Variants in ARFIP1 observed in about 807,000 individuals in gnomAD.
ARFIP1 encodes arfaptin-1.
A neutral mutation model predicts 42.5 loss-of-function variants in ARFIP1; 24 were observed. The observed-to-expected ratio is 0.57, with a 90% CI of 0.41 to 0.80. The LOEUF (loss-of-function observed/expected upper bound fraction) is 0.80, where lower values mean the gene tolerates loss of function less well. Ranked by LOEUF, ARFIP1 falls within the 30% of genes least tolerant of loss-of-function variation. The pLI, the probability that ARFIP1 is intolerant of heterozygous loss-of-function variation, is 0.00. For synonymous variants in ARFIP1, 141 were observed against 153.7 expected (o/e 0.92, Z 0.61); for missense variants, 354 against 434.0 (o/e 0.82, Z 1.64).
chr4:152,832,150 G>A (rs116057261), intron 2 of ARFIP1, among the ~76,000 whole-genome samples: 3 of 152,048 alleles, frequency 2.0e-5, no homozygotes, highest in Non-Finnish European at 2.9e-5. Flanking sequence ...GAGTGAAATT[G>A]CCAGGTCACG....
chr4:152,843,982 T>G (rs1732330058), intron 2 of ARFIP1, among the ~76,000 whole-genome samples: 2 of 152,178 alleles, frequency 1.3e-5, no homozygotes, highest in Admixed American at 1.3e-4. Flanking sequence ...GGAGATTTCC[T>G]TCTCACTGTG....
intron 8 of ARFIP1, 42 bp from the exon 9 acceptor site, chr4:152,910,022 T>C (rs758848450): frequency 1.9e-6 from 3 of 1,590,084 alleles, no homozygotes; most frequent in Non-Finnish European, 2.6e-6. Flanking sequence ...TTTATTGTTA[T>C]TGGTGTTAAT....
Position 152,846,004 on chromosome 4 carries a change from G to C in ARFIP1, c.93+16278G>C, listed in dbSNP as rs551222804. On this transcript the variant is annotated intron_variant, in intron 2 of 8. Coordinates refer to ENST00000353617, the MANE Select transcript of ARFIP1 (RefSeq NM_001025595.3). ...TGGTAGATATACATCATTAAATACT[G>C]TGCAGCCATAAAAAAGAACAACATT... 3.3e-5 allele frequency among the ~76,000 whole-genome samples: 5 copies of C among 152,268 alleles called. No homozygotes were observed. The South Asian group carries it at 1.0e-3, about 32-fold the overall frequency.
chr4:152,879,063 A>T (rs181886647), intron 5 of ARFIP1, among the ~76,000 whole-genome samples: 5 of 152,148 alleles, frequency 3.3e-5, no homozygotes. Flanking sequence ...TTCATTTTCT[A>T]GGAGTGTTTG....
At chr4:152,819,728 A>G (rs560813394) in intron 1 of ARFIP1, among the ~76,000 whole-genome samples, 12 of 152,322 alleles carry the variant, frequency 7.9e-5, no homozygotes, top group Admixed American at 4.6e-4. Context: ...CAGCAGAGGC[A>G]CAAGTGCAGT....
rs1048925870 is a variant in ARFIP1 at position 152,780,011 on chromosome 4, T to A, written c.-225T>A. ...TGGTTCTGGAGGCTGGGTTGAGAGG[T>A]CGCCGGTCCGACTGTCCTCGGCGGT... On this transcript the variant is annotated 5_prime_UTR_variant, in exon 1 of 9. Coordinates refer to ENST00000353617, the MANE Select transcript of ARFIP1 (RefSeq NM_001025595.3). 1 of 152,540 alleles carries A rather than the reference T, an allele frequency of 6.6e-6. No homozygotes were observed. Among genetic ancestry groups the A allele is most frequent in the Admixed American group, 6.5e-5 (1 of 15,286 alleles). The allele number at this position is 152,540 out of a possible 1,614,324, so 9.4% of individuals were successfully genotyped here. A position where few individuals can be genotyped will look rare whatever the true frequency, so the allele number is the denominator to read the frequency against.
chr4:152,907,343 TTC>T (rs1170795793), intron 8 of ARFIP1, among the ~76,000 whole-genome samples: 1 of 92,592 alleles, frequency 1.1e-5, no homozygotes, highest in African/African-American at 4.9e-5. Flanking sequence ...CATAATCTTT[TTC>T]TCTTTTTTAA....
At chr4:152,796,096 A>AT in intron 1 of ARFIP1, 1 of 745,500 alleles carries the variant, frequency 1.3e-6, no homozygotes, top group East Asian at 2.5e-5. Context: ...TGCATCCATC[A>AT]TTTTCAGGAT....
intron 2 of ARFIP1, among the ~76,000 whole-genome samples, chr4:152,862,325 A>G (rs1302414545): frequency 6.6e-6 from 1 of 152,090 alleles, no homozygotes; most frequent in Non-Finnish European, 1.5e-5. Flanking sequence ...TTTTTCTTCT[A>G]TTGAATGCAC....
chr4:152,823,426 A>G (rs944368961), intron 1 of ARFIP1, among the ~76,000 whole-genome samples: 10 of 152,184 alleles, frequency 6.6e-5, no homozygotes, highest in African/African-American at 2.2e-4. Flanking sequence ...TAAAACTGCC[A>G]ATTTTAAGAA....
chr4:152,818,027 G>A (rs1730046183), intron 1 of ARFIP1, among the ~76,000 whole-genome samples: 1 of 152,214 alleles, frequency 6.6e-6, no homozygotes, highest in Non-Finnish European at 1.5e-5. Flanking sequence ...TGATGCAGCT[G>A]CTATGGAAAA....
chr4:152,902,903 T>TA (rs1219672386), intron 8 of ARFIP1, among the ~76,000 whole-genome samples: 1 of 152,214 alleles, frequency 6.6e-6, no homozygotes, highest in Admixed American at 6.5e-5. Context: ...GTGAACCTGA[T>TA]AAACCAAGTA....
chr4:152,780,809 G>A (rs1044367427), intron 1 of ARFIP1, among the ~76,000 whole-genome samples: 15 of 152,220 alleles, frequency 9.9e-5, no homozygotes, highest in Admixed American at 9.2e-4. Flanking sequence ...TACTGTTTAC[G>A]TGTCTAGGAA....
chr4:152,791,483 A>T (rs1479879753), intron 1 of ARFIP1, among the ~76,000 whole-genome samples: 1 of 152,204 alleles, frequency 6.6e-6, no homozygotes, highest in Non-Finnish European at 1.5e-5. Context: ...ACGAAATCAA[A>T]ACAAGTCTTT....
At chr4:152,781,547 T>C (rs1730500490) in intron 1 of ARFIP1, among the ~76,000 whole-genome samples, 1 of 152,208 alleles carries the variant, frequency 6.6e-6, no homozygotes, top group Non-Finnish European at 1.5e-5. Context: ...GAATTGGCCA[T>C]TTCATTGCTG....
intron 1 of ARFIP1, among the ~76,000 whole-genome samples, chr4:152,826,610 CT>C (rs1730860162): frequency 6.6e-6 from 1 of 151,982 alleles, no homozygotes. Flanking sequence ...ACTTGTACCC[CT>C]AAAGCTATTG....
chr4:152,821,057 A>G (rs1034766362), intron 1 of ARFIP1, among the ~76,000 whole-genome samples: 1 of 152,192 alleles, frequency 6.6e-6, no homozygotes, highest in Non-Finnish European at 1.5e-5. Flanking sequence ...GGAACCAGAA[A>G]ACTAATTCTG....
intron 3 of ARFIP1, 145 bp downstream of exon 3, chr4:152,863,859 C>T: frequency 3.8e-6 from 2 of 521,526 alleles, no homozygotes; most frequent in Non-Finnish European, 6.8e-6. Context: ...TTTTTCTCTT[C>T]AATTTAAGTA....
At chr4:152,859,894 T>C (rs1733746527) in intron 2 of ARFIP1, among the ~76,000 whole-genome samples, 1 of 151,124 alleles carries the variant, frequency 6.6e-6, no homozygotes, top group Non-Finnish European at 1.5e-5. Flanking sequence ...TAGTTTCCCA[T>C]CTAGGCATGC....
Sources: allele counts gnomAD v4.1 joint callset (sites outside exome capture counted in the v4.1 genomes callset), GRCh38; gene constraint gnomAD v4.1.1; transcripts MANE v1.5; gene names NCBI Gene and HGNC (gene_info 2026-07-23, HGNC 2026-07-21).